The following NEGR1 variants were observed in gnomAD, a reference collection of about 807,000 sequenced individuals.
The protein encoded by NEGR1 is IgLON family member 4.
NEGR1 carries 10 observed loss-of-function variants against 40.9 expected under a neutral mutation model. The observed-to-expected ratio is 0.24, with a 90% confidence interval of 0.15 to 0.42. The LOEUF (loss-of-function observed/expected upper bound fraction) is 0.42. Among genes scored for constraint, NEGR1 ranks in the 10% least tolerant of loss-of-function variants. NEGR1 has a pLI of 1.00. For synonymous variants in NEGR1, 185 were observed against 166.8 expected (o/e 1.11, Z -0.84); for missense variants, 352 against 438.9 (o/e 0.80, Z 1.77).
At chr1:71,703,808 T>C (rs1404026354) in intron 3 of NEGR1, among the ~76,000 whole-genome samples, 1 of 151,896 alleles carries the variant, frequency 6.6e-6, no homozygotes, top group Non-Finnish European at 1.5e-5. Flanking sequence ...GCCTCGATGA[T>C]ATATGGAATA....
intron 2 of NEGR1, among the ~76,000 whole-genome samples, chr1:71,886,732 G>A (rs1327887585): frequency 2.0e-5 from 3 of 152,068 alleles, no homozygotes; most frequent in African/African-American, 7.2e-5. Flanking sequence ...AAAACTAGTT[G>A]AGAACTGTTC....
chr1:71,531,931 T>G (rs895278199), intron 6 of NEGR1, among the ~76,000 whole-genome samples: 42 of 151,368 alleles, frequency 2.8e-4, no homozygotes, highest in African/African-American at 9.7e-4. Context: ...TTTTCATTTC[T>G]AAAACACTCA....
At chr1:71,598,344 G>T (rs960800999) in intron 5 of NEGR1, among the ~76,000 whole-genome samples, 5 of 152,174 alleles carry the variant, frequency 3.3e-5, no homozygotes, top group Admixed American at 3.3e-4. Context: ...TGCCAGGAAA[G>T]CCAGGTTTGA....
chr1:71,895,348 C>T (rs1020488763), intron 2 of NEGR1, among the ~76,000 whole-genome samples: 6 of 152,082 alleles, frequency 3.9e-5, no homozygotes, highest in African/African-American at 1.4e-4. Context: ...CAAAATTTAC[C>T]ATTTTGTGTG....
intron 1 of NEGR1, among the ~76,000 whole-genome samples, chr1:72,000,943 C>G (rs1402373161): frequency 6.6e-6 from 1 of 152,056 alleles, no homozygotes; most frequent in Non-Finnish European, 1.5e-5. Flanking sequence ...GGAGAGCTTG[C>G]CTGAGACATG....
At chr1:72,139,190 G>A (rs879363358) in intron 1 of NEGR1, among the ~76,000 whole-genome samples, 2 of 147,864 alleles carry the variant, frequency 1.4e-5, no homozygotes, top group Middle Eastern at 3.2e-3. Flanking sequence ...GCCTAGATTA[G>A]TAATTTTTTA....
At chr1:71,577,873 A>T (rs981731938) in intron 6 of NEGR1, among the ~76,000 whole-genome samples, 2 of 152,162 alleles carry the variant, frequency 1.3e-5, no homozygotes, top group African/African-American at 4.8e-5. Context: ...GAAGATAATG[A>T]TTCTGAATCA....
At chr1:72,121,197 A>G (rs968493793) in intron 1 of NEGR1, among the ~76,000 whole-genome samples, 5 of 151,920 alleles carry the variant, frequency 3.3e-5, no homozygotes, top group African/African-American at 1.2e-4. Context: ...CTGCATACAC[A>G]CCCCAAAGCC....
chr1:72,013,405 G>T (rs1646677466), intron 1 of NEGR1, among the ~76,000 whole-genome samples: 1 of 152,046 alleles, frequency 6.6e-6, no homozygotes, highest in Non-Finnish European at 1.5e-5. Context: ...AGAGACCAAG[G>T]GTTCTGGGAG....
intron 4 of NEGR1, among the ~76,000 whole-genome samples, chr1:71,615,066 G>T (rs1570108811): frequency 6.6e-6 from 1 of 152,172 alleles, no homozygotes; most frequent in South Asian, 2.1e-4. Context: ...AATCAATGTG[G>T]AGAGAAGATT....
chr1:71,496,207 G>A (rs553610870), intron 6 of NEGR1, among the ~76,000 whole-genome samples: 1 of 152,198 alleles, frequency 6.6e-6, no homozygotes, highest in Admixed American at 6.5e-5. Flanking sequence ...TAAATAGAGA[G>A]AAAACAGAAA....
intron 4 of NEGR1, among the ~76,000 whole-genome samples, chr1:71,638,082 T>C (rs1376595009): frequency 6.6e-6 from 1 of 152,076 alleles, no homozygotes; most frequent in Non-Finnish European, 1.5e-5. Context: ...AAATCCAGAA[T>C]TGTCTCACTC....
chr1:72,183,120 G>A (rs992774513), intron 1 of NEGR1, among the ~76,000 whole-genome samples: 2 of 152,058 alleles, frequency 1.3e-5, no homozygotes, highest in Non-Finnish European at 2.9e-5. Context: ...GAAAAGAGAA[G>A]TATGCTTATT....
At chr1:72,140,224 T>TTG (rs71801891) in intron 1 of NEGR1, among the ~76,000 whole-genome samples, 3 of 150,602 alleles carry the variant, frequency 2.0e-5, no homozygotes, top group Non-Finnish European at 4.4e-5. Flanking sequence ...GATAACTGTT[T>TTG]TTGTTGTTGT....
intron 1 of NEGR1, among the ~76,000 whole-genome samples, chr1:72,087,362 C>T (rs1325305461): frequency 4.6e-5 from 7 of 151,728 alleles, no homozygotes; most frequent in African/African-American, 1.7e-4. Context: ...ACCCGGGAGG[C>T]GGAGGTTGCA....
At position 71,746,743 on chromosome 1, in the gene NEGR1, T is replaced by TAC. The variant is rs371057218; in HGVS notation, c.535+29427_535+29428dup. Among the ~76,000 whole-genome samples, 446 of 149,004 alleles carry TAC rather than the reference T, an allele frequency of 3.0e-3. 3 individuals are homozygous for TAC. The highest frequency in any genetic ancestry group is 4.3e-3 in the Non-Finnish European group (292 of 67,262). ...GTATACACACACATACACACACATG[T>TAC]ACACACACACACGCGTACACACACA... On this transcript the variant is annotated intron_variant, in intron 3 of 6. Coordinates refer to ENST00000357731, the MANE Select transcript of NEGR1 (RefSeq NM_173808.3).
At chr1:71,778,174 C>CAT (rs1394209511) in intron 2 of NEGR1, among the ~76,000 whole-genome samples, 11 of 150,524 alleles carry the variant, frequency 7.3e-5, no homozygotes, top group South Asian at 4.2e-4. Flanking sequence ...GATATATATA[C>CAT]ATATATATAT....
chr1:71,826,940 T>TA (rs1658646486), intron 2 of NEGR1, among the ~76,000 whole-genome samples: 1 of 151,876 alleles, frequency 6.6e-6, no homozygotes. Context: ...ATTTTATTAA[T>TA]GATGAGCGTC....
At chr1:71,858,405 C>T (rs1004863059) in intron 2 of NEGR1, among the ~76,000 whole-genome samples, 3 of 151,958 alleles carry the variant, frequency 2.0e-5, no homozygotes, top group Admixed American at 6.6e-5. Flanking sequence ...TTTGTGTAGC[C>T]GTCTCTGAAC....
Sources: gnomAD v4.1 joint callset for allele counts (sites outside exome capture counted in the v4.1 genomes callset) on GRCh38, gnomAD v4.1.1 for gene constraint, MANE v1.5 for transcripts, NCBI Gene and HGNC (gene_info 2026-07-23, HGNC 2026-07-21) for gene names.